Variants in GPALPP1 observed in about 807,000 individuals in gnomAD.
GPALPP1 encodes GPALPP motifs-containing protein 1.
GPALPP1 carries 30 observed loss-of-function variants against 38.9 expected under a neutral mutation model. The ratio of observed to expected loss-of-function variants is 0.77; its 90% CI spans 0.58 to 1.05. GPALPP1 has a LOEUF of 1.05. Among genes scored for constraint, GPALPP1 ranks in the 50% least tolerant of loss-of-function variants. GPALPP1 has a pLI of 0.00. For missense variants in GPALPP1, 384 were observed against 408.8 expected, an observed-to-expected ratio of 0.94 and a Z score of 0.52; for synonymous variants, 120 against 139.2, an observed-to-expected ratio of 0.86 and a Z score of 0.97.
rs71759613 is a variant in GPALPP1 at position 45,005,086 on chromosome 13, C to CTTTTTTTTT, written c.221+671_221+679dup. 6.4e-4 allele frequency: 37 copies of CTTTTTTTTT among 57,540 alleles called. 3 individuals carry two copies. Among genetic ancestry groups the CTTTTTTTTT allele is most frequent in the Non-Finnish European group, 7.9e-4 (25 of 31,584 alleles). The allele number at this position is 57,540 out of a possible 1,614,324, so 3.6% of individuals were successfully genotyped here. ...TTTCTTTAAATAAACTAATGGTTTT[C>CTTTTTTTTT]TTTTTTTTTTTTTTTTTTTTTTTTT... On this transcript the variant is annotated intron_variant, in intron 2 of 7. Coordinates refer to ENST00000379151, the MANE Select transcript of GPALPP1 (RefSeq NM_018559.5).
intron 2 of GPALPP1, 127 bp downstream of exon 2, chr13:45,004,564 T>A (rs1471715642): frequency 1.6e-6 from 1 of 610,440 alleles, no homozygotes; most frequent in Non-Finnish European, 2.8e-6. Context: ...TCATTTTGTG[T>A]GGCATTTCAT....
intron 4 of GPALPP1, among the ~76,000 whole-genome samples, chr13:45,014,572 T>C (rs1874697929): frequency 6.6e-6 from 1 of 152,188 alleles, no homozygotes; most frequent in Admixed American, 6.5e-5. Context: ...TCCATAGTTA[T>C]TAAGAGTATG....
At chr13:45,015,342 A>G (rs546657717) in intron 5 of GPALPP1, 90 bp from the exon 6 acceptor site, 45 of 751,868 alleles carry the variant, frequency 6.0e-5, no homozygotes, top group African/African-American at 1.8e-5. Flanking sequence ...TAAAACTTCA[A>G]TTGCATGACA....
intron 1 of GPALPP1, among the ~76,000 whole-genome samples, chr13:44,991,215 G>A (rs758559344): frequency 5.3e-5 from 8 of 152,082 alleles, no homozygotes; most frequent in Non-Finnish European, 8.8e-5. Context: ...TTGGGAGGCC[G>A]AGGCGGGCGG....
At chr13:44,999,114 G>T (rs1450360556) in intron 1 of GPALPP1, among the ~76,000 whole-genome samples, 1 of 152,114 alleles carries the variant, frequency 6.6e-6, no homozygotes, top group Non-Finnish European at 1.5e-5. Flanking sequence ...TGTAATACAG[G>T]TCTACTAATG....
chr13:45,033,778 CTAATA>C (rs1876312135), downstream of GPALPP1: 1 of 152,160 alleles, frequency 6.6e-6, no homozygotes, highest in African/African-American at 2.4e-5. Context: ...TTTTCATTAT[CTAATA>C]TAACTATACA....
At chr13:45,019,085 ATATG>A (rs1875176299) in intron 6 of GPALPP1, among the ~76,000 whole-genome samples, 1 of 137,998 alleles carries the variant, frequency 7.2e-6, no homozygotes, top group East Asian at 2.0e-4. Flanking sequence ...ACATATAAAT[ATATG>A]TATATATATT....
At chr13:45,018,535 T>A (rs1875044534) in intron 6 of GPALPP1, among the ~76,000 whole-genome samples, 1 of 152,176 alleles carries the variant, frequency 6.6e-6, no homozygotes, top group Non-Finnish European at 1.5e-5. Flanking sequence ...TAGGTTTTTA[T>A]CTCCATTGTA....
chr13:44,990,087 C>T (rs1872680968), intron 1 of GPALPP1: 1 of 495,390 alleles, frequency 2.0e-6, no homozygotes, highest in African/African-American at 2.0e-5. Flanking sequence ...CGCCCAAGCC[C>T]ATGCCAGTGT....
chr13:45,004,508 C>A, intron 2 of GPALPP1, 71 bp downstream of exon 2: 1 of 972,174 alleles, frequency 1.0e-6, no homozygotes, highest in Non-Finnish European at 1.6e-6. Flanking sequence ...GAACAGATAG[C>A]TAGTAAGGGG....
At chr13:45,017,031 A>G (rs1874924066) in intron 6 of GPALPP1, among the ~76,000 whole-genome samples, 1 of 152,346 alleles carries the variant, frequency 6.6e-6, no homozygotes, top group Non-Finnish European at 1.5e-5. Context: ...TTCTGACTAA[A>G]GCAGTTCCAC....
chr13:45,019,216 C>G (rs185083514), intron 6 of GPALPP1, among the ~76,000 whole-genome samples: 2,623 of 150,542 alleles, frequency 0.017, 30 homozygotes, highest in Non-Finnish European at 0.027. Flanking sequence ...GGCACCATCT[C>G]AGTTCAATGC....
intron 1 of GPALPP1, among the ~76,000 whole-genome samples, chr13:44,997,363 G>A (rs775371664): frequency 3.3e-5 from 5 of 152,092 alleles, no homozygotes; most frequent in African/African-American, 4.8e-5. Context: ...GTCCCCCAAC[G>A]TCATGTCATT....
chr13:44,995,825 A>AGCT (rs890856997), intron 1 of GPALPP1, among the ~76,000 whole-genome samples: 5 of 151,944 alleles, frequency 3.3e-5, no homozygotes, highest in South Asian at 2.1e-4. Flanking sequence ...ACAAGCTCCC[A>AGCT]GCTGCTGCTG....
chr13:45,015,377 C>A, intron 5 of GPALPP1, 55 bp from the exon 6 acceptor site: 1 of 1,091,062 alleles, frequency 9.2e-7, no homozygotes, highest in Non-Finnish European at 1.3e-6. Context: ...TATATATGTA[C>A]TCATCTTATA....
rs1374145918 is a variant in GPALPP1 at position 45,029,365 on chromosome 13, T to C, written c.*1362T>C. ...AAAAACATACAAATTTACCTTGTTCTGTATGTCCTTTTAAGGTCATGTGGA... is the reference window on the plus strand; with the variant it reads ...AAAAACATACAAATTTACCTTGTTCCGTATGTCCTTTTAAGGTCATGTGGA... On this transcript the variant is annotated 3_prime_UTR_variant, in exon 8 of 8. Transcript: ENST00000379151. The C allele has an allele frequency of 1.3e-5, 2 of 152,262 alleles. No homozygotes were observed. The allele number at this position is 152,262 out of a possible 1,614,324, so 9.4% of individuals were successfully genotyped here.
intron 6 of GPALPP1, among the ~76,000 whole-genome samples, chr13:45,018,521 TG>T (rs1266642647): frequency 6.6e-6 from 1 of 152,186 alleles, no homozygotes; most frequent in Non-Finnish European, 1.5e-5. Flanking sequence ...TAATATTAAA[TG>T]GTTAGGTTTT....
At chr13:44,989,774 C>G (rs933750186) in intron 1 of GPALPP1, 32 bp downstream of exon 1, 5 of 1,500,068 alleles carry the variant, frequency 3.3e-6, no homozygotes, top group Non-Finnish European at 4.6e-6. Flanking sequence ...GCCCACCAGG[C>G]CCATCTACCC....
At chr13:45,004,964 C>G (rs1432230738) in intron 2 of GPALPP1, 1 of 150,184 alleles carries the variant, frequency 6.7e-6, no homozygotes, top group Non-Finnish European at 1.5e-5. Context: ...CAATAAAATT[C>G]TTACATAAAT....
Sources: gnomAD v4.1 joint callset for allele counts (sites outside exome capture counted in the v4.1 genomes callset) on GRCh38, gnomAD v4.1.1 for gene constraint, MANE v1.5 for transcripts, NCBI Gene and HGNC (gene_info 2026-07-23, HGNC 2026-07-21) for gene names.